SMAP1: variants seen among roughly 807,000 people sequenced by gnomAD.
The protein encoded by SMAP1 is small ArfGAP 1.
SMAP1 carries 24 observed loss-of-function variants against 58.5 expected under a neutral mutation model. The ratio of observed to expected loss-of-function variants is 0.41; its 90% CI spans 0.30 to 0.58. SMAP1 has a LOEUF of 0.58. Ranked by LOEUF, SMAP1 falls within the 20% of genes least tolerant of loss-of-function variation. SMAP1 has a pLI of 0.29. For synonymous variants in SMAP1, 216 were observed against 196.6 expected (o/e 1.10, Z -0.82); for missense variants, 563 against 566.3 (o/e 0.99, Z 0.06).
intron 7 of SMAP1, among the ~76,000 whole-genome samples, chr6:70,837,505 A>G (rs185028197): frequency 4.1e-4 from 63 of 152,294 alleles, no homozygotes; most frequent in Admixed American, 1.4e-3. Flanking sequence ...CTAGATTCAT[A>G]TAACTTATTC....
intron 6 of SMAP1, among the ~76,000 whole-genome samples, chr6:70,825,293 T>G (rs1770067883): frequency 6.6e-6 from 1 of 152,220 alleles, no homozygotes; most frequent in African/African-American, 2.4e-5. Context: ...CCAGCCATGT[T>G]CAGAGATACT....
chr6:70,822,437 A>G (rs1457026000), intron 6 of SMAP1, among the ~76,000 whole-genome samples: 1 of 152,206 alleles, frequency 6.6e-6, no homozygotes, highest in East Asian at 1.9e-4. Flanking sequence ...GGCTGTGCTG[A>G]GAATTGAATA....
chr6:70,674,559 G>A (rs1435552922), intron 1 of SMAP1, among the ~76,000 whole-genome samples: 2 of 152,142 alleles, frequency 1.3e-5, no homozygotes, highest in African/African-American at 4.8e-5. Context: ...AGAGTTGACC[G>A]CCTTACATTC....
chr6:70,731,779 T>G (rs946102788), intron 1 of SMAP1, among the ~76,000 whole-genome samples: 4 of 152,190 alleles, frequency 2.6e-5, no homozygotes, highest in African/African-American at 4.8e-5. Context: ...CAACAATTAG[T>G]AGTTAAAAAT....
intron 3 of SMAP1, among the ~76,000 whole-genome samples, chr6:70,770,881 T>C (rs572024537): frequency 2.6e-5 from 4 of 152,296 alleles, no homozygotes; most frequent in East Asian, 1.9e-4. Flanking sequence ...TTTGTGGTTT[T>C]ATCTACTTTT....
chr6:70,762,293 C>G (rs1010379304), intron 3 of SMAP1, among the ~76,000 whole-genome samples: 3 of 152,082 alleles, frequency 2.0e-5, no homozygotes, highest in Non-Finnish European at 4.4e-5. Context: ...CATGTACATT[C>G]ATTTATGAAT....
At chr6:70,840,060 G>C (rs577605100) in intron 7 of SMAP1, among the ~76,000 whole-genome samples, 1 of 152,158 alleles carries the variant, frequency 6.6e-6, no homozygotes, top group African/African-American at 2.4e-5. Context: ...TGGGGGCGTA[G>C]GTGCCTTGAA....
chr6:70,744,882 G>A (rs1424780564), intron 2 of SMAP1, among the ~76,000 whole-genome samples: 1 of 152,156 alleles, frequency 6.6e-6, no homozygotes, highest in Non-Finnish European at 1.5e-5. Flanking sequence ...GTGTGAGATG[G>A]TATCTCATTG....
intron 2 of SMAP1, among the ~76,000 whole-genome samples, chr6:70,754,010 A>G (rs1387573358): frequency 6.6e-6 from 1 of 152,094 alleles, no homozygotes; most frequent in African/African-American, 2.4e-5. Flanking sequence ...TTCTGTGTAT[A>G]CTTGAGGGCT....
chr6:70,711,205 T>G (rs567679919), intron 1 of SMAP1, among the ~76,000 whole-genome samples: 44 of 152,328 alleles, frequency 2.9e-4, no homozygotes, highest in Admixed American at 1.6e-3. Flanking sequence ...GTGCTATACT[T>G]TTATTCAGCT....
At chr6:70,810,782 G>A (rs2149969412) in intron 6 of SMAP1, among the ~76,000 whole-genome samples, 1 of 152,214 alleles carries the variant, frequency 6.6e-6, no homozygotes, top group Non-Finnish European at 1.5e-5. Context: ...TCATTGTGTT[G>A]ACCAGGCCGG....
intron 1 of SMAP1, chr6:70,693,783 C>T (rs1358902416): frequency 6.6e-6 from 1 of 152,192 alleles, no homozygotes; most frequent in Non-Finnish European, 1.5e-5. Context: ...ACTGTGAGAC[C>T]TGGAAGTTGA....
intron 1 of SMAP1, among the ~76,000 whole-genome samples, chr6:70,728,716 A>G (rs1385695417): frequency 1.3e-5 from 2 of 152,244 alleles, no homozygotes; most frequent in Non-Finnish European, 2.9e-5. Flanking sequence ...CAGGAGATAA[A>G]TATTTCCTAT....
At chr6:70,683,971 A>C (rs1427442950) in intron 1 of SMAP1, among the ~76,000 whole-genome samples, 1 of 152,182 alleles carries the variant, frequency 6.6e-6, no homozygotes, top group Non-Finnish European at 1.5e-5. Flanking sequence ...CCAACTTTTT[A>C]ATCTTTTCAT....
At chr6:70,730,232 A>G (rs545429816) in intron 1 of SMAP1, among the ~76,000 whole-genome samples, 10 of 152,198 alleles carry the variant, frequency 6.6e-5, no homozygotes, top group African/African-American at 1.9e-4. Flanking sequence ...TTCAATTTTT[A>G]TTAGAGACCA....
rs376096876 is a variant in SMAP1 at position 70,737,799 on chromosome 6, A to G, written c.252+5288A>G. ...ATGAATGGGGAATGGAGAAAAAAGA[A>G]TCATGCACTCCCCTTCCCCATTTAG... On this transcript the variant is annotated intron_variant, in intron 2 of 10. Coordinates refer to ENST00000370455, the MANE Select transcript of SMAP1 (RefSeq NM_001044305.3). Among the ~76,000 whole-genome samples the G allele has an allele frequency of 1.1e-4, 17 of 152,282 alleles. No homozygotes were observed. In the East Asian group the frequency reaches 1.7e-3, roughly 16 times the overall value.
chr6:70,787,056 A>G (rs1032815706), intron 4 of SMAP1, among the ~76,000 whole-genome samples: 2 of 152,202 alleles, frequency 1.3e-5, no homozygotes, highest in Non-Finnish European at 2.9e-5. Flanking sequence ...ACTATACTAC[A>G]AGGCTACAGT....
chr6:70,680,439 T>C (rs539872420), intron 1 of SMAP1, among the ~76,000 whole-genome samples: 3 of 152,314 alleles, frequency 2.0e-5, no homozygotes, highest in Non-Finnish European at 4.4e-5. Context: ...ATTCAGAATA[T>C]CTAAAGAAAT....
intron 1 of SMAP1, among the ~76,000 whole-genome samples, chr6:70,703,098 GAC>G (rs1767702470): frequency 6.7e-6 from 1 of 150,374 alleles, no homozygotes; most frequent in Admixed American, 6.6e-5. Context: ...TTTTTTTTGA[GAC>G]AGAGTCTCGC....
Sources: allele counts gnomAD v4.1 joint callset (sites outside exome capture counted in the v4.1 genomes callset), GRCh38; gene constraint gnomAD v4.1.1; transcripts MANE v1.5; gene names NCBI Gene and HGNC (gene_info 2026-07-23, HGNC 2026-07-21).